Variants in FAR2 observed in about 807,000 individuals in gnomAD.
FAR2 encodes fatty acyl-CoA reductase 2, also known as epididymis secretory protein Li 81.
In FAR2, 19 loss-of-function variants were observed where a neutral mutation model predicts 56.0. That is an observed-to-expected ratio of 0.34 (90% CI 0.24 to 0.50). The LOEUF is 0.50. FAR2 is among the 20% of genes least tolerant of loss of function. The probability of loss-of-function intolerance (pLI) is 0.98; values close to 1 mark genes in which losing one functional copy is unlikely to be tolerated. For missense variants in FAR2, 508 were observed against 642.2 expected, an observed-to-expected ratio of 0.79 and a Z score of 2.26; for synonymous variants, 219 against 218.8, an observed-to-expected ratio of 1.00 and a Z score of -0.01.
intron 1 of FAR2, among the ~76,000 whole-genome samples, chr12:29,180,826 G>T (rs569674207): frequency 6.6e-6 from 1 of 151,484 alleles, no homozygotes; most frequent in South Asian, 2.1e-4. Flanking sequence ...AAATATAAAA[G>T]CCTGAAAACC....
At chr12:29,294,764 A>AT (rs1299795972) in intron 3 of FAR2, among the ~76,000 whole-genome samples, 1 of 152,062 alleles carries the variant, frequency 6.6e-6, no homozygotes. Context: ...TTATGGTTTC[A>AT]TTTTTACATT....
At chr12:29,318,459 A>G (rs1189807317) in intron 9 of FAR2, among the ~76,000 whole-genome samples, 1 of 152,242 alleles carries the variant, frequency 6.6e-6, no homozygotes, top group African/African-American at 2.4e-5. Context: ...CACAGAAGGA[A>G]GAGACACAAT....
At position 29,311,064 on chromosome 12, in the gene FAR2, C is replaced by G. The variant is rs749669128; in HGVS notation, c.805C>G (p.Pro269Ala). Residue 269 changes from proline (P) to alanine (A), a missense_variant, in exon 7 of 12, where the codon CCA (proline) becomes GCA (alanine). Pro to Ala is a conservative substitution (Grantham distance 27). Coordinates refer to ENST00000536681, the MANE Select transcript of FAR2 (RefSeq NM_001271783.2). ...GTTTCTTCGGGCCATAAAAGCTACTCCAATGGCTGTGGCAGACGTAATTCC... is the reference window on the plus strand; with the variant it reads ...GTTTCTTCGGGCCATAAAAGCTACTGCAATGGCTGTGGCAGACGTAATTCC... ...KGFLRAIKAT[P>A]MAVADVIPVD... 6.2e-7 allele frequency: 1 copy of G among 1,613,624 alleles called. No homozygotes were observed.
At chr12:29,212,272 G>GA (rs1947559532) in intron 1 of FAR2, among the ~76,000 whole-genome samples, 1 of 151,974 alleles carries the variant, frequency 6.6e-6, no homozygotes, top group East Asian at 1.9e-4. Context: ...TGTTCTTTTA[G>GA]AAAAAAATAA....
At chr12:29,260,583 G>C (rs1356732632) in intron 1 of FAR2, among the ~76,000 whole-genome samples, 4 of 152,178 alleles carry the variant, frequency 2.6e-5, no homozygotes, top group Non-Finnish European at 4.4e-5. Context: ...TGTGACAGCT[G>C]TGGGGACAGA....
chr12:29,177,173 T>A (rs928630200), intron 1 of FAR2, among the ~76,000 whole-genome samples: 1 of 152,242 alleles, frequency 6.6e-6, no homozygotes, highest in Non-Finnish European at 1.5e-5. Flanking sequence ...CCAAATCTTT[T>A]AGAGATGATA....
At position 29,275,006 on chromosome 12, in the gene FAR2, G is replaced by A. The variant is rs528503518; in HGVS notation, c.189+4368G>A. Among the ~76,000 whole-genome samples, 192 of 143,558 alleles carry A rather than the reference G, an allele frequency of 1.3e-3. 1 individual carries two copies. Among genetic ancestry groups the A allele is most frequent in the Non-Finnish European group, 2.4e-3 (158 of 65,590 alleles). The allele number at this position is 143,558 out of a possible 152,430, so 94.2% of individuals were successfully genotyped here. On this transcript the variant is annotated intron_variant, in intron 2 of 11. Coordinates refer to ENST00000536681, the MANE Select transcript of FAR2 (RefSeq NM_001271783.2). ...GGGACCTCCCTGGGAGATCAATCCC[G>A]TCCTCCTGCTCTTTGCTCCATGAGA...
chr12:29,306,270 T>C (rs892054128), intron 4 of FAR2, among the ~76,000 whole-genome samples: 24 of 152,166 alleles, frequency 1.6e-4, no homozygotes, highest in African/African-American at 5.8e-4. Context: ...TCTTTCTCTA[T>C]TCAATTCAAA....
chr12:29,308,526 C>T (rs1336805094), intron 5 of FAR2, among the ~76,000 whole-genome samples: 1 of 151,982 alleles, frequency 6.6e-6, no homozygotes, highest in Non-Finnish European at 1.5e-5. Flanking sequence ...TCCTGTTATA[C>T]TCACACATTT....
At chr12:29,170,912 G>A (rs555179310) in intron 1 of FAR2, among the ~76,000 whole-genome samples, 19 of 152,292 alleles carry the variant, frequency 1.2e-4, no homozygotes, top group African/African-American at 3.1e-4. Context: ...TTTGCACTGC[G>A]TGCAACAACT....
chr12:29,333,641 T>C lies in FAR2; in HGVS notation c.1395T>C (p.Asn465=), dbSNP rs143240692. 144 of 1,612,740 alleles carry C rather than the reference T, an allele frequency of 8.9e-5. No individual in the cohort carries two copies. The highest frequency in any genetic ancestry group is 1.1e-4 in the Non-Finnish European group (132 of 1,179,378). ...TCTGTCTGTTCCCTAGGCTCCGAAA[T>C]ATTCACTACCTCTTTAATACTGCCC... ...KAKQRLKRLR[N]IHYLFNTALF... is the part of the protein sequence containing the mutation. Residue 465 remains asparagine, a synonymous_variant, in exon 12 of 12, where the codon AAT becomes AAC. Transcript: ENST00000536681.
chr12:29,306,896 A>G (rs1056660909), intron 4 of FAR2, among the ~76,000 whole-genome samples: 6 of 152,254 alleles, frequency 3.9e-5, no homozygotes, highest in African/African-American at 1.4e-4. Context: ...CTCTGGAGAT[A>G]ATTTTCAAGT....
At chr12:29,181,606 C>A (rs756396671) in intron 1 of FAR2, among the ~76,000 whole-genome samples, 5 of 152,138 alleles carry the variant, frequency 3.3e-5, no homozygotes, top group Non-Finnish European at 7.3e-5. Context: ...GAATAACAGA[C>A]CTAAATTCAG....
intron 1 of FAR2, among the ~76,000 whole-genome samples, chr12:29,194,112 A>G (rs1179772597): frequency 6.6e-6 from 1 of 152,212 alleles, no homozygotes; most frequent in Non-Finnish European, 1.5e-5. Flanking sequence ...AAGCTTGCTC[A>G]TCCTAATGTA....
At chr12:29,209,822 A>G (rs932211332) in intron 1 of FAR2, among the ~76,000 whole-genome samples, 2 of 152,186 alleles carry the variant, frequency 1.3e-5, no homozygotes, top group Non-Finnish European at 2.9e-5. Context: ...CACAATACTC[A>G]TTTACATACA....
chr12:29,183,428 A>C (rs562788681), intron 1 of FAR2, among the ~76,000 whole-genome samples: 1 of 152,336 alleles, frequency 6.6e-6, no homozygotes, highest in African/African-American at 2.4e-5. Flanking sequence ...CGAAGAGACT[A>C]GAAATTGATC....
At chr12:29,151,733 G>C (rs1264393963) in intron 1 of FAR2, 1 of 152,134 alleles carries the variant, frequency 6.6e-6, no homozygotes, top group Non-Finnish European at 1.5e-5. Context: ...TGCTCACTTA[G>C]GTGCTCTTGG....
At chr12:29,299,241 AAAAAG>A (rs1949120625) in intron 4 of FAR2, among the ~76,000 whole-genome samples, 6 of 151,464 alleles carry the variant, frequency 4.0e-5, no homozygotes, top group Admixed American at 3.3e-4. Flanking sequence ...AAAAAGAAAG[AAAAAG>A]AAAAGAAAAG....
chr12:29,324,217 G>A (rs755216307), intron 10 of FAR2, among the ~76,000 whole-genome samples: 4 of 152,076 alleles, frequency 2.6e-5, no homozygotes, highest in East Asian at 3.9e-4. Flanking sequence ...AAAAAGAAAC[G>A]ACCAAAGCCT....
Sources: allele counts gnomAD v4.1 joint callset (sites outside exome capture counted in the v4.1 genomes callset), GRCh38; gene constraint gnomAD v4.1.1; transcripts MANE v1.5; gene names NCBI Gene and HGNC (gene_info 2026-07-23, HGNC 2026-07-21).